LTBP3: variants seen among roughly 807,000 people sequenced by gnomAD.
LTBP3 encodes the protein latent transforming growth factor beta binding protein 3.
Under a neutral mutation model 159.7 loss-of-function variants are expected in LTBP3, and 97 were observed. The ratio of observed to expected loss-of-function variants is 0.61; its 90% confidence interval spans 0.52 to 0.72. The LOEUF is 0.72. LTBP3 is among the 30% of genes least tolerant of loss of function. LTBP3 has a pLI of 0.00. For synonymous variants in LTBP3, 824 were observed against 777.1 expected (o/e 1.06, Z -1.00); for missense variants, 1,584 against 1,864.3 (o/e 0.85, Z 2.77).
Position 65,547,957 on chromosome 11 carries a change from G to A in LTBP3, c.1809C>T (p.Pro603=), listed in dbSNP as rs1359401376. 3.7e-6 allele frequency: 6 copies of A among 1,613,806 alleles called. No individual in the cohort carries two copies. Among genetic ancestry groups the A allele is most frequent in the South Asian group, 2.2e-5 (2 of 91,090 alleles). ...GGTGCTGGGGATGTGACCGGTAGCCGGGGTTGCAGTGGCAGGAGTAGTCAG... is the reference window on the plus strand; with the variant it reads ...GGTGCTGGGGATGTGACCGGTAGCCAGGGTTGCAGTGGCAGGAGTAGTCAG... ...GPPDYSCHCN[P]GYRSHPQHRY... Residue 603 remains proline, a synonymous_variant, in exon 12 of 28, where the codon CCC becomes CCT. Transcript: ENST00000301873. The surrounding 1 kb of genome is among the most constrained non-coding windows in gnomAD (Gnocchi z 4.6).
rs121909145 is a variant in LTBP3 at position 65,546,473 on chromosome 11, G to A, written c.2322C>T (p.Tyr774=). The stretch of plus-strand genomic sequence containing the variant: ...AACTGCGGCCGTCGGGCGCGGGCGC[G>A]TAGCCCTGGGCACAGGTGCAGCGGA... ...GSFRCTCAQG[Y]APAPDGRSCL... is the part of the protein sequence containing the mutation. The change falls in exon 16 of 28, where the codon TAC becomes TAT. Residue 774 remains tyrosine, a synonymous_variant. Transcript: ENST00000301873. The surrounding 1 kb of genome is among the most constrained non-coding windows in gnomAD (Gnocchi z 4.0). 5.0e-6 allele frequency: 8 copies of A among 1,586,552 alleles called. No homozygotes were observed. In the East Asian group the frequency reaches 9.0e-5, roughly 18 times the overall value.
intron 16 of LTBP3, chr11:65,545,507 CT>C (rs1323708808): frequency 8.6e-6 from 2 of 231,826 alleles, no homozygotes; most frequent in African/African-American, 4.4e-5. Context: ...GCACTACCCC[CT>C]CACTCACCCA....
chr11:65,540,838 G>A, intron 21 of LTBP3, 33 bp downstream of exon 21: 2 of 1,591,792 alleles, frequency 1.3e-6, no homozygotes, highest in South Asian at 1.1e-5. Context: ...GGGGTGAGAG[G>A]GCGCGGGGCG....
chr11:65,540,333 C>G lies in LTBP3; in HGVS notation c.3156G>C (p.Glu1052Asp). Residue 1052 changes from glutamate to aspartate, a missense_variant, in exon 23 of 28, where the codon GAG becomes GAC. Coordinates refer to ENST00000301873, the MANE Select transcript of LTBP3 (RefSeq NM_001130144.3). ...DESNCRNGVC[E>D]NTRGGYRCAC... ...CACAGCGGTAGCCGCCGCGCGTGTTCTCACACACTCCGTTCCGGCAGTTGG... is the reference window on the plus strand; with the variant it reads ...CACAGCGGTAGCCGCCGCGCGTGTTGTCACACACTCCGTTCCGGCAGTTGG... The G allele has an allele frequency of 6.3e-7, 1 of 1,582,238 alleles. No individual in the cohort carries two copies. The highest frequency in any genetic ancestry group is 8.6e-7 in the Non-Finnish European group (1 of 1,165,392).
Position 65,547,329 on chromosome 11 carries a change from G to A in LTBP3, c.2107+110C>T, listed in dbSNP as rs527264270. On this transcript the variant is annotated intron_variant, in intron 14 of 27. Transcript: ENST00000301873. The surrounding 1 kb of genome is among the most constrained non-coding windows in gnomAD (Gnocchi z 4.6). ...ACCGCACTCCAGCCTGGGCGACAGA[G>A]TGAGACTCCGTCTCGGGGGAAAAAA... is the stretch of plus-strand genomic sequence containing the variant. 6.8e-6 allele frequency: 9 copies of A among 1,319,062 alleles called. No homozygotes were observed. The highest frequency in any genetic ancestry group is 9.5e-6 in the Non-Finnish European group (9 of 949,376). 81.7% of individuals were successfully genotyped at this position (1,319,062 alleles called of 1,614,324 possible). A position where few individuals can be genotyped will look rare whatever the true frequency, so the allele number is the denominator to read the frequency against.
Position 65,547,019 on chromosome 11 carries a change from G to A in LTBP3, c.2108-99C>T. On this transcript the variant is annotated intron_variant, in intron 14 of 27. Transcript: ENST00000301873. This position sits in a 1 kb window ranked among gnomAD's most constrained non-coding sequence, Gnocchi z 4.6. ...GGGACTTCCTCCCACACAGATCAAC[G>A]AGGCTCCCGGACCCCAACCTCTGAG... is the stretch of plus-strand genomic sequence containing the variant. The A allele has an allele frequency of 6.5e-7, 1 of 1,541,482 alleles. No homozygotes were observed. The highest frequency in any genetic ancestry group is 8.8e-7 in the Non-Finnish European group (1 of 1,133,616).
At chr11:65,542,254 T>C (rs1856169996) in intron 18 of LTBP3, among the ~76,000 whole-genome samples, 1 of 152,186 alleles carries the variant, frequency 6.6e-6, no homozygotes, top group African/African-American at 2.4e-5. Flanking sequence ...ATACCTTTCT[T>C]GGCACCCAGG....
At chr11:65,543,005 TTGGATGGG>T (rs1856219448) in intron 18 of LTBP3, 92 bp downstream of exon 18, 11 of 1,477,326 alleles carry the variant, frequency 7.4e-6, no homozygotes, top group African/African-American at 7.0e-5. Context: ...TGAAGGATGG[TTGGATGGG>T]TGGATGGATG....
In LTBP3 at chr11:65,539,763, G is replaced by C; in HGVS notation, c.3504C>G (p.Arg1168=). ...TFDDCCCRQG[R]GWGAQCRPCP... is the part of the protein sequence containing the mutation. ...ACGGTCGGCATTGGGCGCCCCAGCCGCGGCCCTGGCGGCAGCAGCAGTCGT... is the reference window on the plus strand; with the variant it reads ...ACGGTCGGCATTGGGCGCCCCAGCCCCGGCCCTGGCGGCAGCAGCAGTCGT... Residue 1168 remains arginine (R), a synonymous_variant, in exon 25 of 28, where the codon CGC becomes CGG. Coordinates refer to ENST00000301873, the MANE Select transcript of LTBP3 (RefSeq NM_001130144.3). The C allele has an allele frequency of 6.5e-7, 1 of 1,544,096 alleles. No homozygotes were observed. Among genetic ancestry groups the C allele is most frequent in the Non-Finnish European group, 8.7e-7 (1 of 1,152,102 alleles).
At chr11:65,548,996 G>A (rs950765703) in intron 11 of LTBP3, 1 of 152,186 alleles carries the variant, frequency 6.6e-6, no homozygotes, top group African/African-American at 2.4e-5. Context: ...GCTTGAACAC[G>A]GCTCAGCTGT....
chr11:65,541,276 G>A lies in LTBP3; in HGVS notation c.2743C>T (p.His915Tyr), dbSNP rs774401781. Residue 915 changes from histidine to tyrosine, a missense_variant, in exon 20 of 28, where the codon CAC (histidine) becomes TAC (tyrosine). Around this residue, in one of 6 missense-constraint regions of LTBP3, gnomAD observed 565 missense variants for 677.7 expected, o/e 0.83. Coordinates refer to ENST00000301873, the MANE Select transcript of LTBP3 (RefSeq NM_001130144.3). ...HGCEEVEQPHHKKECYLNFDD... is the reference protein window; with the variant it reads ...HGCEEVEQPHYKKECYLNFDD... ...AAGTTCAGGTAGCACTCCTTCTTGT[G>A]GTGGGGCTGCTCCACCTCTGAGGGG... 6.2e-7 allele frequency: 1 copy of A among 1,612,134 alleles called. No homozygotes were observed.
rs776343743 is a variant in LTBP3 at position 65,552,826 on chromosome 11, G to C, written c.1186+34C>G. On this transcript the variant is annotated intron_variant, in intron 6 of 27. Coordinates refer to ENST00000301873, the MANE Select transcript of LTBP3 (RefSeq NM_001130144.3). This position sits in a 1 kb window ranked among gnomAD's most constrained non-coding sequence, Gnocchi z 6.0. ...TGATCCTTGCTCCCACCCATGCCTT[G>C]TGACCTCCCAGGAACCTGAGCCCCA... 1 of 1,613,956 alleles carries C rather than the reference G, an allele frequency of 6.2e-7. No homozygotes were observed. The highest frequency in any genetic ancestry group is 8.5e-7 in the Non-Finnish European group (1 of 1,179,968).
chr11:65,540,201 GC>G, intron 23 of LTBP3, 43 bp downstream of exon 23: 1 of 1,542,920 alleles, frequency 6.5e-7, no homozygotes, highest in Non-Finnish European at 8.7e-7. Flanking sequence ...CTCGGCCCGG[GC>G]CCCGCCCCTC....
At chr11:65,549,757 GAAAAAAA>G (rs752434010) in intron 11 of LTBP3, among the ~76,000 whole-genome samples, 5 of 104,478 alleles carry the variant, frequency 4.8e-5, no homozygotes, top group African/African-American at 1.1e-4. Flanking sequence ...CCCAGGCCGG[GAAAAAAA>G]AAAAAAAAAA....
Position 65,543,519 on chromosome 11 carries a change from C to T in LTBP3, c.2384G>A (p.Cys795Tyr). ...CGTGTTGCTGCAGATGCCATTGTCA[C>T]ACACGTCCCCAGCCTCACACTCGTC... ...DVDECEAGDV[C>Y]DNGICSNTPG... Residue 795 changes from cysteine (C) to tyrosine (Y), a missense_variant, in exon 17 of 28, where the codon TGT (cysteine) becomes TAT (tyrosine). Cys to Tyr is a radical substitution (Grantham distance 194, BLOSUM62 -2). Coordinates refer to ENST00000301873, the MANE Select transcript of LTBP3 (RefSeq NM_001130144.3). 6.2e-7 allele frequency: 1 copy of T among 1,614,110 alleles called. No homozygotes were observed. The highest frequency in any genetic ancestry group is 1.3e-5 in the African/African-American group (1 of 74,998).
In LTBP3 at chr11:65,540,290, C is replaced by A. The variant is rs1177683421; in HGVS notation, c.3199G>T (p.Glu1067Ter). 2.6e-6 allele frequency: 4 copies of A among 1,559,168 alleles called. No homozygotes were observed. Among genetic ancestry groups the A allele is most frequent in the Non-Finnish European group, 2.6e-6 (3 of 1,151,520 alleles). Residue 1067 changes from glutamate to a stop codon, truncating the protein, a stop_gained, in exon 23 of 28, where the codon GAG becomes TAG. Transcript: ENST00000301873. LOFTEE classifies it high-confidence loss of function. ...CACTGGCGCTGCGCGGGACTGTACT[C>A]GGCAGGGGGCGTGCAGGCACAGCGG... is the stretch of plus-strand genomic sequence containing the variant. ...GYRCACTPPA[E>*]YSPAQRQCLS...
At chr11:65,556,229 AACATTCCCATACATTTGGCCGGGCG>A (rs1379166923) in intron 1 of LTBP3, among the ~76,000 whole-genome samples, 2 of 152,120 alleles carry the variant, frequency 1.3e-5, no homozygotes, top group Non-Finnish European at 2.9e-5. Flanking sequence ...GGTTCACATA[AACATTCCCATACATTTGGCCGGGCG>A]CAGTGGCTCA....
At chr11:65,549,241 A>G (rs1296761230) in intron 11 of LTBP3, among the ~76,000 whole-genome samples, 1 of 152,148 alleles carries the variant, frequency 6.6e-6, no homozygotes, top group Admixed American at 6.5e-5. Flanking sequence ...CCTCCTTGAC[A>G]AGGCTCAGTG....
rs1193814077 is a variant in LTBP3, at chr11:65,540,805, C to A, written c.2977+66G>T. 2.6e-6 allele frequency: 4 copies of A among 1,519,868 alleles called. No homozygotes were observed. In the African/African-American group the frequency reaches 4.1e-5, roughly 16 times the overall value. The allele number at this position is 1,519,868 out of a possible 1,614,324, so 94.1% of individuals were successfully genotyped here. A position where few individuals can be genotyped will look rare whatever the true frequency, so the allele number is the denominator to read the frequency against. ...GGGCAGCTGACCCAGCGAGTCCCGGCGGGATCCGGGCGAGCCCAACCCGGG... is the reference window on the plus strand; with the variant it reads ...GGGCAGCTGACCCAGCGAGTCCCGGAGGGATCCGGGCGAGCCCAACCCGGG... On this transcript the variant is annotated intron_variant, in intron 21 of 27. Transcript: ENST00000301873.
Sources: gnomAD v4.1 joint callset for allele counts (sites outside exome capture counted in the v4.1 genomes callset) on GRCh38, gnomAD v4.1.1 for gene constraint, gnomAD v4.1.1 regional missense constraint, Gnocchi (gnomAD v3.1) non-coding constraint, MANE v1.5 for transcripts, NCBI Gene and HGNC (gene_info 2026-07-23, HGNC 2026-07-21) for gene names.